The following ARB2A variants were observed in gnomAD, a reference collection of about 807,000 sequenced individuals.
ARB2A encodes the protein ARB2 cotranscriptional regulator A.
chr5:93,963,715 A>G, the ARB2A span, among the ~76,000 whole-genome samples: 1 of 152,030 alleles, frequency 6.6e-6, no homozygotes, highest in Non-Finnish European at 1.5e-5. Flanking sequence ...AGTCTCCCAG[A>G]TTCTTATATA....
the ARB2A span, among the ~76,000 whole-genome samples, chr5:93,732,757 A>G: frequency 6.6e-6 from 1 of 152,120 alleles, no homozygotes; most frequent in African/African-American, 2.4e-5. Flanking sequence ...AGAAATTACT[A>G]CTTTAGAAAC....
the ARB2A span, among the ~76,000 whole-genome samples, chr5:94,023,227 T>C: frequency 4.6e-5 from 7 of 152,190 alleles, no homozygotes; most frequent in South Asian, 4.1e-4. Flanking sequence ...TCTATATCTG[T>C]GTAATCTTAC....
chr5:93,833,391 G>T, the ARB2A span, among the ~76,000 whole-genome samples: 1 of 152,134 alleles, frequency 6.6e-6, no homozygotes, highest in African/African-American at 2.4e-5. Flanking sequence ...GGTGGTCAAA[G>T]ATATTCATCA....
chr5:93,648,282 A>C, the ARB2A span, among the ~76,000 whole-genome samples: 2 of 152,220 alleles, frequency 1.3e-5, no homozygotes, highest in Admixed American at 6.5e-5. Flanking sequence ...GACAACACTA[A>C]TTCTATCCCT....
chr5:93,618,931 C>T, the ARB2A span: 1 of 152,164 alleles, frequency 6.6e-6, no homozygotes, highest in African/African-American at 2.4e-5. Flanking sequence ...AATTCAGGTG[C>T]AGAAGCTTCG....
At chr5:93,778,888 A>G in the ARB2A span, among the ~76,000 whole-genome samples, 1 of 152,226 alleles carries the variant, frequency 6.6e-6, no homozygotes, top group Admixed American at 6.5e-5. Flanking sequence ...CCTTTAACTC[A>G]AACACTTAAA....
At chr5:94,009,476 A>G in the ARB2A span, among the ~76,000 whole-genome samples, 2 of 152,080 alleles carry the variant, frequency 1.3e-5, no homozygotes, top group Non-Finnish European at 2.9e-5. Flanking sequence ...CCAACCCTCT[A>G]AAATAAAAAT....
the ARB2A span, among the ~76,000 whole-genome samples, chr5:94,017,609 G>C: frequency 6.6e-6 from 1 of 152,168 alleles, no homozygotes; most frequent in Non-Finnish European, 1.5e-5. Context: ...TATGCTAAAA[G>C]AGTATATGCT....
At chr5:93,975,567 T>C in the ARB2A span, among the ~76,000 whole-genome samples, 1 of 151,864 alleles carries the variant, frequency 6.6e-6, no homozygotes, top group Non-Finnish European at 1.5e-5. Context: ...AACAAAGAAA[T>C]AAATCTATGC....
the ARB2A span, among the ~76,000 whole-genome samples, chr5:93,983,606 T>C: frequency 1.3e-5 from 2 of 152,122 alleles, no homozygotes; most frequent in Non-Finnish European, 2.9e-5. Context: ...AGAAAATCAA[T>C]GGATGCTAAA....
the ARB2A span, among the ~76,000 whole-genome samples, chr5:93,623,513 G>C: frequency 2.0e-5 from 3 of 152,048 alleles, no homozygotes; most frequent in African/African-American, 7.2e-5. Flanking sequence ...CTTCTTTACG[G>C]GTAACAATCC....
At chr5:94,045,013 G>A in the ARB2A span, among the ~76,000 whole-genome samples, 1 of 150,548 alleles carries the variant, frequency 6.6e-6, no homozygotes, top group African/African-American at 2.4e-5. Context: ...CAGCTACTTG[G>A]GAGACTGAGG....
chr5:93,824,116 C>A, the ARB2A span: 8 of 1,501,856 alleles, frequency 5.3e-6, no homozygotes, highest in Non-Finnish European at 7.1e-6. Context: ...TACAAGGAGA[C>A]TGGAACTACA....
At chr5:94,063,078 C>T in the ARB2A span, among the ~76,000 whole-genome samples, 1 of 152,132 alleles carries the variant, frequency 6.6e-6, no homozygotes, top group Non-Finnish European at 1.5e-5. Context: ...TCACTGCCGC[C>T]CATACTTGAG....
the ARB2A span, among the ~76,000 whole-genome samples, chr5:93,629,808 T>C: frequency 3.5e-3 from 526 of 152,332 alleles, 2 homozygotes; most frequent in Non-Finnish European, 5.4e-3. Context: ...GTCTATGATA[T>C]TTCCAAAATG....
At chr5:93,712,000 T>A in the ARB2A span, among the ~76,000 whole-genome samples, 1 of 152,166 alleles carries the variant, frequency 6.6e-6, no homozygotes, top group African/African-American at 2.4e-5. Flanking sequence ...AGAGACTAGA[T>A]GAACTCCCGC....
chr5:94,062,077 T>C, the ARB2A span, among the ~76,000 whole-genome samples: 15 of 152,100 alleles, frequency 9.9e-5, no homozygotes, highest in Non-Finnish European at 1.9e-4. Flanking sequence ...AACACATAGA[T>C]CCAGGAAACA....
chr5:93,875,909 G>C, the ARB2A span, among the ~76,000 whole-genome samples: 1 of 152,074 alleles, frequency 6.6e-6, no homozygotes, highest in Admixed American at 6.6e-5. Flanking sequence ...AAGGGGAAAA[G>C]CAGTGTATCT....
chr5:93,917,778 T>C, the ARB2A span, among the ~76,000 whole-genome samples: 1 of 152,074 alleles, frequency 6.6e-6, no homozygotes, highest in African/African-American at 2.4e-5. Flanking sequence ...ACTGGGGGAA[T>C]GGGGAGGGAG....
Sources: gnomAD v4.1 joint callset for allele counts (sites outside exome capture counted in the v4.1 genomes callset) on GRCh38, gnomAD v4.1.1 for gene constraint, MANE v1.5 for transcripts, NCBI Gene and HGNC (gene_info 2026-07-23, HGNC 2026-07-21) for gene names.